Variants in RUNX1T1 observed in about 807,000 individuals in gnomAD.
RUNX1T1 encodes the protein RUNX1 partner transcriptional co-repressor 1, also known as protein CBFA2T1.
A neutral mutation model predicts 62.8 loss-of-function variants in RUNX1T1; 4 were observed. The observed-to-expected ratio is 0.06, with a 90% CI of 0.03 to 0.15. The LOEUF is 0.15. RUNX1T1 is among the 10% of genes least tolerant of loss of function. The probability of loss-of-function intolerance (pLI) is 1.00; values close to 1 mark genes in which losing one functional copy is unlikely to be tolerated. For missense variants in RUNX1T1, 508 were observed against 754.3 expected, an observed-to-expected ratio of 0.67 and a Z score of 3.82; for synonymous variants, 291 against 286.0, an observed-to-expected ratio of 1.02 and a Z score of -0.18.
chr8:92,042,195 C>T (rs1258688810), intron 1 of RUNX1T1, among the ~76,000 whole-genome samples: 1 of 152,080 alleles, frequency 6.6e-6, no homozygotes, highest in Admixed American at 6.6e-5. Context: ...GTGCCTGCTG[C>T]CTATGATATC....
intron 6 of RUNX1T1, among the ~76,000 whole-genome samples, chr8:91,990,612 T>C (rs916174368): frequency 6.6e-6 from 1 of 152,142 alleles, no homozygotes; most frequent in Non-Finnish European, 1.5e-5. Flanking sequence ...ACATTTGTTC[T>C]ATAGAAGGCA....
At chr8:92,007,967 CAAAAAAAA>C (rs34232877) in intron 4 of RUNX1T1, among the ~76,000 whole-genome samples, 3 of 85,402 alleles carry the variant, frequency 3.5e-5, no homozygotes, top group African/African-American at 3.8e-5. Flanking sequence ...GACTTTGTTT[CAAAAAAAA>C]AAAAAAAAAA....
At chr8:92,026,986 C>G (rs10956819) in intron 1 of RUNX1T1, among the ~76,000 whole-genome samples, 4 of 143,246 alleles carry the variant, frequency 2.8e-5, no homozygotes, top group African/African-American at 5.2e-5. Flanking sequence ...CATGGTGGCG[C>G]GCGCCTGTAG....
At chr8:91,970,735 G>A (rs770002524) in exon 10 of RUNX1T1, 11 of 1,613,568 alleles carry the variant, frequency 6.8e-6, no homozygotes, top group South Asian at 6.6e-5. Context: ...GCGACCGTGC[G>A]CTCCATCTTG....
rs1271507640 is a variant in RUNX1T1, at chr8:92,017,927, G to C, written c.8-564C>G. ...TTCCTGCCCTGTTTTAAAAATCACT[G>C]CTACATAGGTGAAATGTGTTATACA... On this transcript the variant is annotated intron_variant, in intron 1 of 10. Transcript: ENST00000396218. Among the ~76,000 whole-genome samples the C allele has an allele frequency of 3.3e-5, 5 of 152,114 alleles. No homozygotes were observed. In the East Asian group the frequency reaches 5.8e-4, roughly 18 times the overall value.
intron 4 of RUNX1T1, among the ~76,000 whole-genome samples, chr8:92,007,823 G>A (rs1821075473): frequency 6.6e-6 from 1 of 152,012 alleles, no homozygotes; most frequent in Non-Finnish European, 1.5e-5. Flanking sequence ...TACAAAATCG[G>A]TTGGATGCAG....
At chr8:91,995,183 A>T (rs1818427241) in intron 5 of RUNX1T1, among the ~76,000 whole-genome samples, 1 of 152,216 alleles carries the variant, frequency 6.6e-6, no homozygotes, top group Non-Finnish European at 1.5e-5. Flanking sequence ...TTGATCAATG[A>T]AGGCAAAAAC....
At chr8:92,076,080 T>C in exon 2 of RUNX1T1, 2 of 1,602,624 alleles carry the variant, frequency 1.2e-6, no homozygotes. Context: ...GCTAATTTCC[T>C]CTCTCCTTTT....
Position 91,986,884 on chromosome 8 carries a change from T to C in RUNX1T1, c.996+3A>G. 6.4e-7 allele frequency: 1 copy of C among 1,573,992 alleles called. No homozygotes were observed. The highest frequency in any genetic ancestry group is 1.1e-5 in the South Asian group (1 of 90,236). Reference sequence around the variant, plus strand: ...TAATCCCAAATGATTACTGATGTCTTACATGGTCAAGATGTTTCCACTCTT... The same window carrying C: ...TAATCCCAAATGATTACTGATGTCTCACATGGTCAAGATGTTTCCACTCTT... On this transcript the variant is annotated splice_donor_region_variant and intron_variant, in intron 7 of 10. Coordinates refer to ENST00000396218, the Ensembl canonical transcript of RUNX1T1.
Position 91,959,462 on chromosome 8 carries a change from GTGTGTATA to G in RUNX1T1, c.*772_*779del, listed in dbSNP as rs1460286708. On this transcript the variant is annotated 3_prime_UTR_variant, in exon 11 of 11. Transcript: ENST00000396218. ...TGTGTGTGTGTGTGTGTGTGTGTGT[GTGTGTATA>G]TGTGCGTGTGTGTGTGTGTATATAT... 2.5e-4 allele frequency: 27 copies of G among 109,464 alleles called. 1 individual carries two copies. The highest frequency in any genetic ancestry group is 5.7e-4 in the South Asian group (1 of 1,758). 6.8% of individuals were successfully genotyped at this position (109,464 alleles called of 1,614,324 possible). A position where few individuals can be genotyped will look rare whatever the true frequency, so the allele number is the denominator to read the frequency against.
At chr8:91,997,932 T>G (rs1329863649) in intron 5 of RUNX1T1, among the ~76,000 whole-genome samples, 1 of 152,206 alleles carries the variant, frequency 6.6e-6, no homozygotes, top group Non-Finnish European at 1.5e-5. Context: ...TCTGGAGACT[T>G]ACTTTATTTT....
At chr8:92,008,632 C>A (rs1167573945) in intron 4 of RUNX1T1, among the ~76,000 whole-genome samples, 1 of 152,110 alleles carries the variant, frequency 6.6e-6, no homozygotes, top group African/African-American at 2.4e-5. Context: ...GACTCACAGG[C>A]TGGACATCTT....
chr8:92,028,143 G>T (rs1825598818), intron 1 of RUNX1T1, among the ~76,000 whole-genome samples: 1 of 147,434 alleles, frequency 6.8e-6, no homozygotes, highest in Non-Finnish European at 1.5e-5. Flanking sequence ...ATGGATGAAA[G>T]GAAGGAAGAA....
At chr8:92,065,822 G>A (rs187973920), upstream of RUNX1T1, among the ~76,000 whole-genome samples, 109 of 152,204 alleles carry the variant, frequency 7.2e-4, no homozygotes, top group Non-Finnish European at 4.4e-5. Flanking sequence ...CTTTCCTCTC[G>A]GCTTCTAGCA....
intron 1 of RUNX1T1, among the ~76,000 whole-genome samples, chr8:92,049,666 A>C (rs543986568): frequency 6.6e-6 from 1 of 152,306 alleles, no homozygotes; most frequent in East Asian, 1.9e-4. Flanking sequence ...CTCTACCCCA[A>C]AACAAATACC....
At chr8:92,034,809 C>CAA (rs1563811208) in intron 1 of RUNX1T1, among the ~76,000 whole-genome samples, 1 of 139,270 alleles carries the variant, frequency 7.2e-6, no homozygotes, top group Non-Finnish European at 1.5e-5. Flanking sequence ...CACACACACA[C>CAA]ACACACACAC....
At chr8:92,053,771 C>T (rs1830588513) in intron 1 of RUNX1T1, among the ~76,000 whole-genome samples, 1 of 152,106 alleles carries the variant, frequency 6.6e-6, no homozygotes, top group African/African-American at 2.4e-5. Flanking sequence ...TACCTCTCAT[C>T]CACTCACTTA....
chr8:91,986,131 A>C (rs1334041383), exon 8 of RUNX1T1: 2 of 1,612,380 alleles, frequency 1.2e-6, no homozygotes, highest in East Asian at 2.2e-5. Context: ...TACCTAGTGC[A>C]ACTGGGTCTG....
At chr8:91,985,264 G>A (rs1816312558) in intron 8 of RUNX1T1, among the ~76,000 whole-genome samples, 1 of 152,104 alleles carries the variant, frequency 6.6e-6, no homozygotes, top group Non-Finnish European at 1.5e-5. Flanking sequence ...GTAATGGGTG[G>A]CAATGTCAAT....
Sources: allele counts gnomAD v4.1 joint callset (sites outside exome capture counted in the v4.1 genomes callset), GRCh38; gene constraint gnomAD v4.1.1; transcripts MANE v1.5; gene names NCBI Gene and HGNC (gene_info 2026-07-23, HGNC 2026-07-21).